Variants in ST3GAL1 observed in about 807,000 individuals in gnomAD.
ST3GAL1 encodes the protein CMP-N-acetylneuraminate-beta-galactosamide-alpha-2,3-sialyltransferase 1.
A neutral mutation model predicts 34.1 loss-of-function variants in ST3GAL1; 16 were observed. That is an observed-to-expected ratio of 0.47 (90% CI 0.32 to 0.71). ST3GAL1 has a LOEUF of 0.71. Ranked by LOEUF, ST3GAL1 falls within the 30% of genes least tolerant of loss-of-function variation. The pLI is 0.04. For synonymous variants in ST3GAL1, 191 were observed against 184.7 expected (o/e 1.03, Z -0.28); for missense variants, 353 against 447.4 (o/e 0.79, Z 1.90).
chr8:133,558,550 A>G (rs1000264922), intron 1 of ST3GAL1, among the ~76,000 whole-genome samples: 1 of 152,198 alleles, frequency 6.6e-6, no homozygotes, highest in Non-Finnish European at 1.5e-5. Flanking sequence ...CTTTGACACT[A>G]TTTAAGTGTG....
rs563312666 is a variant in ST3GAL1, at chr8:133,513,209, C to T, written c.-428-14020G>A. Among the ~76,000 whole-genome samples, 10 of 152,288 alleles carry T rather than the reference C, an allele frequency of 6.6e-5. No homozygotes were observed. The East Asian group carries it at 1.9e-3, about 29-fold the overall frequency. On this transcript the variant is annotated intron_variant, in intron 2 of 9. Coordinates refer to ENST00000522652, the MANE Select transcript of ST3GAL1 (RefSeq NM_173344.3). Reference sequence around the variant, plus strand: ...CCACCCCAGCCCTGCTGAAGAGCTCCCCCAGGCCCAGATGCCTCGGCCTTC... The same window carrying T: ...CCACCCCAGCCCTGCTGAAGAGCTCTCCCAGGCCCAGATGCCTCGGCCTTC...
In ST3GAL1 at chr8:133,558,367, G is replaced by A. The variant is rs909808037; in HGVS notation, c.-581-12441C>T. 3.9e-5 allele frequency among the ~76,000 whole-genome samples: 6 copies of A among 152,306 alleles called. No individual in the cohort carries two copies. In the East Asian group the frequency reaches 1.2e-3, roughly 29 times the overall value. On this transcript the variant is annotated intron_variant, in intron 1 of 9. Transcript: ENST00000522652. ...ATTGTTATCCAGATTTTATGGATGA[G>A]GAAAGGGAAGTACAGAGAGGTTCAG... is the stretch of plus-strand genomic sequence containing the variant.
intron 2 of ST3GAL1, among the ~76,000 whole-genome samples, chr8:133,532,240 G>A (rs9942817): frequency 0.02 from 3,111 of 152,178 alleles, 144 homozygotes; most frequent in East Asian, 0.2. Context: ...GGGAGGCTGC[G>A]GCGGGTGGAT....
chr8:133,541,120 T>TATATAGAGAGAGAGAG lies in ST3GAL1; in HGVS notation c.-429+4653_-429+4654insCTCTCTCTCTCTATAT, dbSNP rs71299078. ...ACATATATATATATATATATATATATAGAGAGAGAGAGAGAGAGAGAGAGA... is the reference window on the plus strand; with the variant it reads ...ACATATATATATATATATATATATATATATAGAGAGAGAGAGAGAGAGAGAGAGAGAGAGAGAGAGA... On this transcript the variant is annotated intron_variant, in intron 2 of 9. Transcript: ENST00000522652. Among the ~76,000 whole-genome samples the TATATAGAGAGAGAGAG allele has an allele frequency of 1.6e-4, 8 of 48,644 alleles. 1 individual carries two copies. Among genetic ancestry groups the TATATAGAGAGAGAGAG allele is most frequent in the South Asian group, 8.2e-4 (1 of 1,220 alleles). The allele number at this position is 48,644 out of a possible 152,430, so 31.9% of individuals were successfully genotyped here.
In ST3GAL1 at chr8:133,520,834, C is replaced by T. The variant is rs138287640; in HGVS notation, c.-428-21645G>A. Among the ~76,000 whole-genome samples, 529 of 147,576 alleles carry T rather than the reference C, an allele frequency of 3.6e-3. 2 individuals carry two copies. The highest frequency in any genetic ancestry group is 0.012 in the African/African-American group (496 of 40,040). ...TCGTCCAGGCTAAAGTGCTATGGTGCGATTCCAGCTCACTGCAACCTCTGC... is the reference window on the plus strand; with the variant it reads ...TCGTCCAGGCTAAAGTGCTATGGTGTGATTCCAGCTCACTGCAACCTCTGC... On this transcript the variant is annotated intron_variant, in intron 2 of 9. Transcript: ENST00000522652.
chr8:133,563,607 C>A (rs946609941), intron 1 of ST3GAL1, among the ~76,000 whole-genome samples: 5 of 152,196 alleles, frequency 3.3e-5, no homozygotes, highest in African/African-American at 4.8e-5. Flanking sequence ...AGGGTCAACA[C>A]GATAAGCGCC....
intron 7 of ST3GAL1, 73 bp downstream of exon 7, chr8:133,464,705 C>A: frequency 6.6e-7 from 1 of 1,523,496 alleles, no homozygotes; most frequent in Non-Finnish European, 8.9e-7. Context: ...ACAGCAGGAC[C>A]ACGGCAGGGT....
chr8:133,469,663 T>C lies in ST3GAL1; in HGVS notation c.307-3573A>G, dbSNP rs1815875546. Among the ~76,000 whole-genome samples the C allele has an allele frequency of 6.6e-6, 1 of 152,238 alleles. No homozygotes were observed. Among genetic ancestry groups the C allele is most frequent in the Non-Finnish European group, 1.5e-5 (1 of 68,052 alleles). ...GTATTCGGTTGCAGCTCTACCCTGC[T>C]GCCTGCCCAGGCAAACTCTCCTCTC... On this transcript the variant is annotated intron_variant, in intron 5 of 9. Coordinates refer to ENST00000522652, the MANE Select transcript of ST3GAL1 (RefSeq NM_173344.3). The surrounding 1 kb of genome is among the most constrained non-coding windows in gnomAD (Gnocchi z 4.3).
rs533763492 is a variant in ST3GAL1 at position 133,510,298 on chromosome 8, C to T, written c.-428-11109G>A. Among the ~76,000 whole-genome samples the T allele has an allele frequency of 2.0e-5, 3 of 152,304 alleles. No homozygotes were observed. The South Asian group carries it at 6.2e-4, about 32-fold the overall frequency. ...AAAGTGCTTCTCTGGGCACAATGTG[C>T]AGGCAACTATCAGATACGAGGCCAA... On this transcript the variant is annotated intron_variant, in intron 2 of 9. Coordinates refer to ENST00000522652, the MANE Select transcript of ST3GAL1 (RefSeq NM_173344.3).
At chr8:133,517,811 C>T (rs559112289) in intron 2 of ST3GAL1, among the ~76,000 whole-genome samples, 1 of 152,304 alleles carries the variant, frequency 6.6e-6, no homozygotes, top group East Asian at 1.9e-4. Flanking sequence ...CACTGTAGAG[C>T]ACAACAAAAC....
chr8:133,496,735 G>A (rs936652008), intron 3 of ST3GAL1, among the ~76,000 whole-genome samples: 2 of 152,164 alleles, frequency 1.3e-5, no homozygotes, highest in Non-Finnish European at 2.9e-5. Context: ...CTGAGACGGG[G>A]ACCAGGGCCT....
At chr8:133,507,588 C>G (rs1379573710) in intron 2 of ST3GAL1, among the ~76,000 whole-genome samples, 1 of 152,208 alleles carries the variant, frequency 6.6e-6, no homozygotes, top group Non-Finnish European at 1.5e-5. Flanking sequence ...TAGGCCAAGT[C>G]TCTTGGAGAG....
At chr8:133,473,217 G>A (rs777117327) in intron 5 of ST3GAL1, among the ~76,000 whole-genome samples, 1 of 152,036 alleles carries the variant, frequency 6.6e-6, no homozygotes, top group Non-Finnish European at 1.5e-5. Flanking sequence ...TTTAGAAACC[G>A]CCCTCCCCAA....
chr8:133,551,148 A>AG (rs1818823775), intron 1 of ST3GAL1, among the ~76,000 whole-genome samples: 1 of 152,120 alleles, frequency 6.6e-6, no homozygotes, highest in South Asian at 2.1e-4. Context: ...GTGTGCCCCT[A>AG]GGGGACACTG....
rs544823184 is a variant in ST3GAL1 at position 133,467,274 on chromosome 8, C to G, written c.307-1184G>C. 6.6e-6 allele frequency among the ~76,000 whole-genome samples: 1 copy of G among 152,268 alleles called. No homozygotes were observed. Among genetic ancestry groups the G allele is most frequent in the South Asian group, 2.1e-4 (1 of 4,820 alleles). ...TCCCTATTGGCCCCCGGTGGTTTCA[C>G]TATTGGCCCCCGCTGCATGCCCAGG... On this transcript the variant is annotated intron_variant, in intron 5 of 9. Transcript: ENST00000522652. The surrounding 1 kb of genome is among the most constrained non-coding windows in gnomAD (Gnocchi z 4.2).
chr8:133,547,918 C>T (rs907796597), intron 1 of ST3GAL1, among the ~76,000 whole-genome samples: 5 of 152,148 alleles, frequency 3.3e-5, no homozygotes, highest in Admixed American at 2.6e-4. Context: ...GTGGGAGATT[C>T]AAGAGCTCTT....
intron 2 of ST3GAL1, among the ~76,000 whole-genome samples, chr8:133,542,742 C>T (rs72720273): frequency 0.11 from 15,401 of 141,534 alleles, 946 homozygotes; most frequent in African/African-American, 0.15. Flanking sequence ...GATTGCACCA[C>T]TGCATTCCAG....
intron 2 of ST3GAL1, among the ~76,000 whole-genome samples, chr8:133,535,275 T>A (rs868255429): frequency 2.0e-5 from 3 of 152,330 alleles, no homozygotes; most frequent in Middle Eastern, 3.4e-3. Flanking sequence ...AGCCACATCT[T>A]TAGCTTCATA....
At chr8:133,554,361 C>T (rs1403423393) in intron 1 of ST3GAL1, among the ~76,000 whole-genome samples, 5 of 152,152 alleles carry the variant, frequency 3.3e-5, no homozygotes, top group African/African-American at 7.2e-5. Context: ...TACACTGCAG[C>T]GGTGGGGGTG....
Sources: allele counts gnomAD v4.1 joint callset (sites outside exome capture counted in the v4.1 genomes callset), GRCh38; gene constraint gnomAD v4.1.1; non-coding constraint Gnocchi (gnomAD v3.1); transcripts MANE v1.5; gene names NCBI Gene and HGNC (gene_info 2026-07-23, HGNC 2026-07-21).